ABCC4: variants seen among roughly 807,000 people sequenced by gnomAD.
ABCC4 encodes the protein ATP binding cassette subfamily C member 4 (PEL blood group).
Under a neutral mutation model 168.5 loss-of-function variants are expected in ABCC4, and 102 were observed. The observed-to-expected ratio is 0.61, with a 90% CI of 0.52 to 0.71. The LOEUF (loss-of-function observed/expected upper bound fraction) is 0.71. Among genes scored for constraint, ABCC4 ranks in the 30% least tolerant of loss-of-function variants. The probability of loss-of-function intolerance (pLI) is 0.00; values close to 1 mark genes in which losing one functional copy is unlikely to be tolerated. For synonymous variants in ABCC4, 617 were observed against 590.7 expected, an observed-to-expected ratio of 1.04 and a Z score of -0.65; for missense variants, 1,402 against 1,605.8, an observed-to-expected ratio of 0.87 and a Z score of 2.17.
At chr13:95,182,169 G>T (rs1028406197) in intron 11 of ABCC4, among the ~76,000 whole-genome samples, 1 of 152,066 alleles carries the variant, frequency 6.6e-6, no homozygotes, top group Non-Finnish European at 1.5e-5. Context: ...CAACAAAAAG[G>T]CATAACAACA....
intron 1 of ABCC4, among the ~76,000 whole-genome samples, chr13:95,257,922 T>C (rs2389225): frequency 0.067 from 10,233 of 152,212 alleles, 766 homozygotes; most frequent in African/African-American, 0.18. Flanking sequence ...TGAGTGTCTT[T>C]AATTTAAGAC....
chr13:95,164,533 AGGT>A lies in ABCC4; in HGVS notation c.2035-18_2035-16del. Reference sequence around the variant, plus strand: ...ACATTCTCTGTCTGCAGAGGAAAAAAGGTGGTAAGAGACAAAACAGTATACAAA... The same window carrying A: ...ACATTCTCTGTCTGCAGAGGAAAAAAGGTAAGAGACAAAACAGTATACAAA... On this transcript the variant is annotated splice_polypyrimidine_tract_variant and intron_variant, in intron 15 of 30. Coordinates refer to ENST00000645237, the MANE Select transcript of ABCC4 (RefSeq NM_005845.5). The A allele has an allele frequency of 6.2e-7, 1 of 1,613,794 alleles. No individual in the cohort carries two copies. The highest frequency in any genetic ancestry group is 2.2e-5 in the East Asian group (1 of 44,850).
At position 95,301,260 on chromosome 13, in the gene ABCC4, A is replaced by C; in HGVS notation, c.55T>G (p.Cys19Gly). The stretch of plus-strand genomic sequence containing the variant: ...ACTCACCAGAAGAACACGCGTGAGC[A>C]GAGGTTCGCGTCCTGCAGCGGGTTG... ...KPNPLQDANL[C>G]SRVFFWWLNP... The change falls in exon 1 of 31, where the codon TGC becomes GGC. Residue 19 changes from cysteine (C) to glycine (G), a missense_variant. Cys to Gly is a radical substitution (Grantham distance 159). Coordinates refer to ENST00000645237, the MANE Select transcript of ABCC4 (RefSeq NM_005845.5). The C allele has an allele frequency of 6.3e-7, 1 of 1,594,772 alleles. No individual in the cohort carries two copies. Among genetic ancestry groups the C allele is most frequent in the Non-Finnish European group, 8.5e-7 (1 of 1,171,302 alleles).
At chr13:95,189,245 T>C (rs1157181380) in intron 9 of ABCC4, among the ~76,000 whole-genome samples, 6 of 145,444 alleles carry the variant, frequency 4.1e-5, no homozygotes, top group South Asian at 4.6e-4. Context: ...GCCATTCTCC[T>C]GCCTCAGCCT....
rs1434936025 is a variant in ABCC4, at chr13:95,053,045, TAC to T, written c.3456+48_3456+49del. 3 of 1,489,924 alleles carry T rather than the reference TAC, an allele frequency of 2.0e-6. No homozygotes were observed. In the African/African-American group the frequency reaches 4.1e-5, roughly 21 times the overall value. The allele number at this position is 1,489,924 out of a possible 1,614,324, so 92.3% of individuals were successfully genotyped here. ...TCCTGCAATGCTGTAAAGGTACATA[TAC>T]ACATACTGAGGCTAACAGACTAAAG... On this transcript the variant is annotated intron_variant, in intron 27 of 30. Coordinates refer to ENST00000645237, the MANE Select transcript of ABCC4 (RefSeq NM_005845.5).
chr13:95,251,977 T>G (rs1348596898), intron 1 of ABCC4, among the ~76,000 whole-genome samples: 1 of 152,080 alleles, frequency 6.6e-6, no homozygotes, highest in Non-Finnish European at 1.5e-5. Context: ...AGGATGGGAA[T>G]CCTCCCTCTG....
intron 30 of ABCC4, among the ~76,000 whole-genome samples, chr13:95,029,167 CATATATATATAT>C (rs67576340): frequency 0.11 from 9,297 of 82,464 alleles, 931 homozygotes; most frequent in South Asian, 0.15. Flanking sequence ...AAAAAAAATA[CATATATATATAT>C]ATATATATAT....
At chr13:95,064,710 T>A (rs562008300) in intron 25 of ABCC4, among the ~76,000 whole-genome samples, 1 of 151,916 alleles carries the variant, frequency 6.6e-6, no homozygotes, top group African/African-American at 2.4e-5. Context: ...CCCTCAAAGG[T>A]AGGGAACACT....
At chr13:95,157,876 C>G (rs996146069) in intron 19 of ABCC4, among the ~76,000 whole-genome samples, 2 of 151,916 alleles carry the variant, frequency 1.3e-5, no homozygotes, top group African/African-American at 2.4e-5. Flanking sequence ...TCGAGACCAT[C>G]CTGGCCAACA....
At chr13:95,047,565 T>C (rs1291580532) in intron 27 of ABCC4, among the ~76,000 whole-genome samples, 10 of 146,778 alleles carry the variant, frequency 6.8e-5, no homozygotes, top group African/African-American at 2.5e-4. Context: ...CTGCAATCTC[T>C]GCCTCCCAGG....
rs1184307259 is a variant in ABCC4 at position 95,021,435 on chromosome 13, T to G, written c.*140A>C. 3.6e-6 allele frequency: 2 copies of G among 562,404 alleles called. No individual in the cohort carries two copies. Among genetic ancestry groups the G allele is most frequent in the African/African-American group, 3.8e-5 (2 of 52,080 alleles). The allele number at this position is 562,404 out of a possible 1,614,324, so 34.8% of individuals were successfully genotyped here. ...TTAGAGCTGGAGATCCTTGGATAAGTTGGGAGAAATATTCAAATGAACTAG... is the reference window on the plus strand; with the variant it reads ...TTAGAGCTGGAGATCCTTGGATAAGGTGGGAGAAATATTCAAATGAACTAG... On this transcript the variant is annotated 3_prime_UTR_variant, in exon 31 of 31. Coordinates refer to ENST00000645237, the MANE Select transcript of ABCC4 (RefSeq NM_005845.5).
At chr13:95,050,479 C>T (rs146731649) in intron 27 of ABCC4, among the ~76,000 whole-genome samples, 23 of 152,306 alleles carry the variant, frequency 1.5e-4, no homozygotes, top group African/African-American at 4.8e-4. Flanking sequence ...TGTCTCATTA[C>T]CCCCAAACGA....
At chr13:95,251,935 G>A (rs2040274532) in intron 1 of ABCC4, among the ~76,000 whole-genome samples, 1 of 152,182 alleles carries the variant, frequency 6.6e-6, no homozygotes, top group Non-Finnish European at 1.5e-5. Context: ...ACTATTCTGA[G>A]TAGCATGATG....
In ABCC4 at chr13:95,177,487, C is replaced by T. The variant is rs534234155; in HGVS notation, c.1727+220G>A. 7.2e-5 allele frequency among the ~76,000 whole-genome samples: 11 copies of T among 152,270 alleles called. No individual in the cohort carries two copies. In the South Asian group the frequency reaches 2.1e-3, roughly 29 times the overall value. ...CAACTCCCTAAAACATGATACACTC[C>T]ACTCACTGCAACACACTGAAATCAC... On this transcript the variant is annotated intron_variant, in intron 13 of 30. Coordinates refer to ENST00000645237, the MANE Select transcript of ABCC4 (RefSeq NM_005845.5).
chr13:95,130,848 C>A (rs1415277366), intron 19 of ABCC4, among the ~76,000 whole-genome samples: 1 of 152,126 alleles, frequency 6.6e-6, no homozygotes, highest in Non-Finnish European at 1.5e-5. Context: ...GGTCCCTTAT[C>A]TTTTTTCATG....
Position 95,021,321 on chromosome 13 carries a change from T to A in ABCC4, c.*254A>T. On this transcript the variant is annotated 3_prime_UTR_variant, in exon 31 of 31. Coordinates refer to ENST00000645237, the MANE Select transcript of ABCC4 (RefSeq NM_005845.5). ...CTGTAGTCTCTTAAGGCACAAAACC[T>A]GATAGACGGCATTTAACTGGTGGCC... 1 of 389,660 alleles carries A rather than the reference T, an allele frequency of 2.6e-6. No individual in the cohort carries two copies. Among genetic ancestry groups the A allele is most frequent in the Non-Finnish European group, 4.6e-6 (1 of 218,442 alleles). 24.1% of individuals were successfully genotyped at this position (389,660 alleles called of 1,614,324 possible). A position where few individuals can be genotyped will look rare whatever the true frequency, so the allele number is the denominator to read the frequency against.
chr13:95,091,547 T>A (rs1729773), intron 20 of ABCC4, among the ~76,000 whole-genome samples: 143,916 of 152,246 alleles, frequency 0.95, 68,146 homozygotes, highest in Non-Finnish European at 0.96. Context: ...AGTGAAACTA[T>A]GCTCCACATA....
chr13:95,103,781 A>C (rs1630807), intron 20 of ABCC4, among the ~76,000 whole-genome samples: 67,452 of 151,806 alleles, frequency 0.44, 15,767 homozygotes, highest in Middle Eastern at 0.6. Context: ...CTAAACTCTA[A>C]ATTCCTGTGC....
At chr13:95,169,853 A>T (rs1594225465) in intron 14 of ABCC4, among the ~76,000 whole-genome samples, 1 of 152,112 alleles carries the variant, frequency 6.6e-6, no homozygotes, top group Non-Finnish European at 1.5e-5. Context: ...TATTATTATT[A>T]TTTTTTAATT....
Sources: gnomAD v4.1 joint callset for allele counts (sites outside exome capture counted in the v4.1 genomes callset) on GRCh38, gnomAD v4.1.1 for gene constraint, MANE v1.5 for transcripts, NCBI Gene and HGNC (gene_info 2026-07-23, HGNC 2026-07-21) for gene names.